Variants in PCDH15 observed in about 807,000 individuals in gnomAD.
PCDH15 encodes the protein protocadherin-15.
PCDH15 carries 129 observed loss-of-function variants against 178.5 expected under a neutral mutation model. That is an observed-to-expected ratio of 0.72 (90% CI 0.63 to 0.84). PCDH15 has a LOEUF of 0.84. Among genes scored for constraint, PCDH15 ranks in the 40% least tolerant of loss-of-function variants. The pLI, the probability that PCDH15 is intolerant of heterozygous loss-of-function variation, is 0.00. For missense variants in PCDH15, 2,230 were observed against 2,099.9 expected (o/e 1.06, Z -1.21); for synonymous variants, 800 against 732.0 (o/e 1.09, Z -1.50).
Position 53,815,423 on chromosome 10 carries a change from A to C in PCDH15, c.4491+816T>G, listed in dbSNP as rs951513073. On this transcript the variant is annotated intron_variant, in intron 35 of 37. Transcript: ENST00000644397. ...TGTATCTTGACTAAGGTCTTGCATA[A>C]AGTCATTGGTGTTTGGATTTCAACC... is the stretch of plus-strand genomic sequence containing the variant. 4.6e-5 allele frequency among the ~76,000 whole-genome samples: 7 copies of C among 152,162 alleles called. No homozygotes were observed. In the East Asian group the frequency reaches 7.7e-4, roughly 17 times the overall value.
chr10:55,156,524 C>T (rs181984221), intron 2 of PCDH15, among the ~76,000 whole-genome samples: 1 of 152,214 alleles, frequency 6.6e-6, no homozygotes, highest in East Asian at 1.9e-4. Context: ...ATTTTATTCA[C>T]TCATGGGAGA....
intron 15 of PCDH15, among the ~76,000 whole-genome samples, chr10:54,110,181 T>C (rs1590512882): frequency 6.6e-6 from 1 of 151,666 alleles, no homozygotes. Context: ...AAAGCATGAG[T>C]GGAGTGAGGA....
At chr10:54,795,720 G>A (rs900483444) in intron 1 of PCDH15, among the ~76,000 whole-genome samples, 3 of 151,816 alleles carry the variant, frequency 2.0e-5, no homozygotes, top group African/African-American at 7.2e-5. Context: ...AGTTTTCCAG[G>A]TGATGCAACT....
chr10:54,447,262 C>T (rs546805465), intron 3 of PCDH15, among the ~76,000 whole-genome samples: 5 of 151,676 alleles, frequency 3.3e-5, no homozygotes, highest in Non-Finnish European at 5.9e-5. Context: ...AAATCTACTC[C>T]ATTGGCAATT....
At chr10:54,136,790 T>A (rs1701311887) in intron 14 of PCDH15, among the ~76,000 whole-genome samples, 1 of 152,192 alleles carries the variant, frequency 6.6e-6, no homozygotes, top group Admixed American at 6.5e-5. Flanking sequence ...CATGACCGTC[T>A]CCTTGATCCG....
intron 2 of PCDH15, among the ~76,000 whole-genome samples, chr10:54,969,530 A>G (rs1035210425): frequency 2.8e-4 from 42 of 152,162 alleles, no homozygotes; most frequent in African/African-American, 9.7e-4. Flanking sequence ...GTGCCAATCA[A>G]CATTCAACTG....
rs978603414 is a variant in PCDH15 at position 53,808,505 on chromosome 10, TAC to T, written c.4672-1377_4672-1376del. On this transcript the variant is annotated intron_variant, in intron 37 of 37. Transcript: ENST00000644397. ...GAAGGATTAGTCAGTTTTACTCTAA[TAC>T]AGTCTAATATACAAATGGATTTGGA... The T allele has an allele frequency of 2.1e-6, 3 of 1,415,080 alleles. No individual in the cohort carries two copies. In the African/African-American group the frequency reaches 4.3e-5, roughly 20 times the overall value. 87.7% of individuals were successfully genotyped at this position (1,415,080 alleles called of 1,614,324 possible).
rs768610663 is a variant in PCDH15 at position 54,020,326 on chromosome 10, C to T, written c.2617G>A (p.Glu873Lys). The T allele has an allele frequency of 2.0e-5, 33 of 1,613,726 alleles. No individual in the cohort carries two copies. The highest frequency in any genetic ancestry group is 1.7e-6 in the Non-Finnish European group (2 of 1,179,828). ...TCTAAACTCCTTAAAAGCGATAGTT[C>T]TCCTGTAAATGGATGTAGTGCAAAA... ...HFFALHPFTG[E>K]LSLLRSLDYE... is the part of the protein sequence containing the mutation. The change falls in exon 20 of 38, where the codon GAA (glutamate) becomes AAA (lysine). Residue 873 changes from glutamate (E) to lysine (K), a missense_variant. Physicochemically the swap from Glu to Lys is moderately conservative, Grantham distance 56 (BLOSUM62 1). Transcript: ENST00000644397.
intron 2 of PCDH15, among the ~76,000 whole-genome samples, chr10:54,970,255 G>A (rs1838898416): frequency 6.6e-6 from 1 of 152,120 alleles, no homozygotes; most frequent in Non-Finnish European, 1.5e-5. Context: ...AATTACCCTG[G>A]ATTCTGATAT....
rs959607814 is a variant in PCDH15, at chr10:53,870,911, T to C, written c.3502-4054A>G. Among the ~76,000 whole-genome samples the C allele has an allele frequency of 6.6e-5, 10 of 152,146 alleles. 1 individual carries two copies. ...TCTGGGTCAATATGTGAAAAATAAGTGAGAGTTTCAGCACAGAGTATATTG... is the reference window on the plus strand; with the variant it reads ...TCTGGGTCAATATGTGAAAAATAAGCGAGAGTTTCAGCACAGAGTATATTG... On this transcript the variant is annotated intron_variant, in intron 26 of 37. Transcript: ENST00000644397.
intron 1 of PCDH15, among the ~76,000 whole-genome samples, chr10:55,214,988 T>A (rs1374299073): frequency 6.6e-6 from 1 of 152,114 alleles, no homozygotes; most frequent in African/African-American, 2.4e-5. Flanking sequence ...TATTACATAT[T>A]TATTCACTTT....
intron 1 of PCDH15, among the ~76,000 whole-genome samples, chr10:55,275,540 T>C (rs1416694764): frequency 2.6e-5 from 4 of 152,036 alleles, no homozygotes; most frequent in Non-Finnish European, 4.4e-5. Flanking sequence ...TTTGCACTGA[T>C]CTACACGATC....
At chr10:54,068,010 C>G (rs2094170507) in intron 17 of PCDH15, among the ~76,000 whole-genome samples, 1 of 151,620 alleles carries the variant, frequency 6.6e-6, no homozygotes, top group Non-Finnish European at 1.5e-5. Flanking sequence ...GAGGACAGAT[C>G]TTGGTAAATA....
chr10:54,425,008 TAAA>T (rs777958846), intron 3 of PCDH15, among the ~76,000 whole-genome samples: 1 of 107,672 alleles, frequency 9.3e-6, no homozygotes, highest in Admixed American at 9.9e-5. Context: ...TAAAGTATAA[TAAA>T]AAAAAAAAAA....
chr10:55,260,540 A>G (rs1233150348), intron 1 of PCDH15, among the ~76,000 whole-genome samples: 1 of 152,220 alleles, frequency 6.6e-6, no homozygotes, highest in African/African-American at 2.4e-5. Context: ...TTCTATTTTT[A>G]TATCAATGTT....
intron 1 of PCDH15, among the ~76,000 whole-genome samples, chr10:55,289,825 G>T (rs538707250): frequency 6.6e-6 from 1 of 152,058 alleles, no homozygotes; most frequent in African/African-American, 2.4e-5. Flanking sequence ...TCTTGTGAAT[G>T]GATTAATATC....
chr10:55,569,311 T>C (rs1564458706), intron 2 of PCDH15, among the ~76,000 whole-genome samples: 1 of 152,034 alleles, frequency 6.6e-6, no homozygotes, highest in Non-Finnish European at 1.5e-5. Flanking sequence ...GATAGACCTT[T>C]ACTGCAGATG....
chr10:55,192,267 T>C (rs1839962786), intron 1 of PCDH15, among the ~76,000 whole-genome samples: 1 of 151,836 alleles, frequency 6.6e-6, no homozygotes, highest in Admixed American at 6.6e-5. Context: ...TGGGGGGTTA[T>C]ATACAGTGCC....
rs1253419151 is a variant in PCDH15 at position 54,757,328 on chromosome 10, G to C, written c.-29+43597C>G. Among the ~76,000 whole-genome samples, 3 of 78,154 alleles carry C rather than the reference G, an allele frequency of 3.8e-5. 1 individual carries two copies. Among genetic ancestry groups the C allele is most frequent in the Non-Finnish European group, 7.4e-5 (3 of 40,778 alleles). The allele number at this position is 78,154 out of a possible 152,430, so 51.3% of individuals were successfully genotyped here. A position where few individuals can be genotyped will look rare whatever the true frequency, so the allele number is the denominator to read the frequency against. ...GACGGAGTTTCGCTCTGTCGCCCAGGCTGGAGCGCAGTGGCGCGATCTCGA... is the reference window on the plus strand; with the variant it reads ...GACGGAGTTTCGCTCTGTCGCCCAGCCTGGAGCGCAGTGGCGCGATCTCGA... On this transcript the variant is annotated intron_variant, in intron 1 of 37. Transcript: ENST00000644397.
Sources: gnomAD v4.1 joint callset for allele counts (sites outside exome capture counted in the v4.1 genomes callset) on GRCh38, gnomAD v4.1.1 for gene constraint, MANE v1.5 for transcripts, NCBI Gene and HGNC (gene_info 2026-07-23, HGNC 2026-07-21) for gene names.